BTN3A2: variants seen among roughly 807,000 people sequenced by gnomAD.
BTN3A2 encodes butyrophilin protein.
Under a neutral mutation model 37.6 loss-of-function variants are expected in BTN3A2, and 25 were observed. That is an observed-to-expected ratio of 0.66 (90% CI 0.48 to 0.93). BTN3A2 has a LOEUF of 0.93. BTN3A2 is among the 40% of genes least tolerant of loss of function. The probability of loss-of-function intolerance (pLI) is 0.00; values close to 1 mark genes in which losing one functional copy is unlikely to be tolerated. For synonymous variants in BTN3A2, 122 were observed against 159.4 expected, an observed-to-expected ratio of 0.77 and a Z score of 1.77; for missense variants, 266 against 410.9, an observed-to-expected ratio of 0.65 and a Z score of 3.05.
rs1236860219 is a variant in BTN3A2, at chr6:26,378,284, T to C, written c.*2522T>C. The C allele has an allele frequency of 6.6e-6, 1 of 152,228 alleles. No homozygotes were observed. The highest frequency in any genetic ancestry group is 1.5e-5 in the Non-Finnish European group (1 of 68,058). The allele number at this position is 152,228 out of a possible 1,614,324, so 9.4% of individuals were successfully genotyped here. On this transcript the variant is annotated 3_prime_UTR_variant, in exon 11 of 11. Transcript: ENST00000377708. ...TGGGCAAGTGCTTGTCAAGTTCTAG[T>C]TGTTCAATAAATTTGTTAATAATGC...
intron 9 of BTN3A2, 171 bp downstream of exon 9, chr6:26,374,544 C>T (rs768474081): frequency 1.5e-5 from 13 of 852,432 alleles, no homozygotes; most frequent in African/African-American, 1.0e-4. Context: ...CTGCACACCC[C>T]CTTGTAAAGC....
chr6:26,376,437 G>A lies in BTN3A2; in HGVS notation c.*675G>A. 1 of 703,576 alleles carries A rather than the reference G, an allele frequency of 1.4e-6. No individual in the cohort carries two copies. Among genetic ancestry groups the A allele is most frequent in the Non-Finnish European group, 2.1e-6 (1 of 484,666 alleles). 43.6% of individuals were successfully genotyped at this position (703,576 alleles called of 1,614,324 possible). ...GCTTTCACCAATGACATTGATGAGA[G>A]AATCACATTCAGGGCAGGCTAGGGA... is the stretch of plus-strand genomic sequence containing the variant. On this transcript the variant is annotated 3_prime_UTR_variant, in exon 11 of 11. Coordinates refer to ENST00000377708, the MANE Select transcript of BTN3A2 (RefSeq NM_007047.5).
chr6:26,370,874 T>A (rs183827833), intron 5 of BTN3A2, among the ~76,000 whole-genome samples: 83 of 152,326 alleles, frequency 5.4e-4, no homozygotes, highest in Non-Finnish European at 1.0e-3. Flanking sequence ...CCTTATATAA[T>A]GTGAAATGAC....
intron 5 of BTN3A2, 184 bp from the exon 6 acceptor site, chr6:26,372,713 G>A (rs1289040091): frequency 4.6e-6 from 3 of 647,596 alleles, no homozygotes; most frequent in East Asian, 2.8e-5. Context: ...GTAGTAGCTT[G>A]TAGTGAGGGT....
rs1977 is a variant in BTN3A2 at position 26,377,318 on chromosome 6, A to G, written c.*1556A>G. 62,467 of 696,908 alleles carry G rather than the reference A, an allele frequency of 0.09. 3,390 individuals carry two copies. Among genetic ancestry groups the G allele is most frequent in the East Asian group, 0.14 (5,062 of 35,646 alleles). The allele number at this position is 696,908 out of a possible 1,614,324, so 43.2% of individuals were successfully genotyped here. On this transcript the variant is annotated 3_prime_UTR_variant, in exon 11 of 11. Transcript: ENST00000377708. ...TGAAGCACTTTACTGATATTCATTC[A>G]ATTATTCCATAGGACAGTTGTTTGA... is the stretch of plus-strand genomic sequence containing the variant.
chr6:26,375,475 G>T (rs956864709), intron 10 of BTN3A2: 1 of 639,792 alleles, frequency 1.6e-6, no homozygotes, highest in South Asian at 2.2e-5. Flanking sequence ...AAATTAAACG[G>T]TGTGTATCTC....
rs1173529212 is a variant in BTN3A2, at chr6:26,377,616, C to T, written c.*1854C>T. The T allele has an allele frequency of 1.0e-5, 2 of 194,688 alleles. No homozygotes were observed. The highest frequency in any genetic ancestry group is 1.3e-4 in the East Asian group (1 of 7,412). 12.1% of individuals were successfully genotyped at this position (194,688 alleles called of 1,614,324 possible). A position where few individuals can be genotyped will look rare whatever the true frequency, so the allele number is the denominator to read the frequency against. On this transcript the variant is annotated 3_prime_UTR_variant, in exon 11 of 11. Coordinates refer to ENST00000377708, the MANE Select transcript of BTN3A2 (RefSeq NM_007047.5). The stretch of plus-strand genomic sequence containing the variant: ...GGGCAACATTAAGTAGCTTACATAA[C>T]TCACACGGTAATTTGTGCAGTTGGG...
intron 5 of BTN3A2, 77 bp from the exon 6 acceptor site, chr6:26,372,820 A>G: frequency 1.3e-6 from 2 of 1,560,512 alleles, no homozygotes; most frequent in Non-Finnish European, 1.8e-6. Flanking sequence ...TGAGCTGAGC[A>G]GCTAAAGCTT....
rs949243361 is a variant in BTN3A2, at chr6:26,376,084, G to A, written c.*322G>A. The A allele has an allele frequency of 1.4e-5, 5 of 360,718 alleles. No individual in the cohort carries two copies. The highest frequency in any genetic ancestry group is 2.1e-5 in the African/African-American group (1 of 46,770). 22.3% of individuals were successfully genotyped at this position (360,718 alleles called of 1,614,324 possible). A position where few individuals can be genotyped will look rare whatever the true frequency, so the allele number is the denominator to read the frequency against. On this transcript the variant is annotated 3_prime_UTR_variant, in exon 11 of 11. Coordinates refer to ENST00000377708, the MANE Select transcript of BTN3A2 (RefSeq NM_007047.5). Reference sequence around the variant, plus strand: ...AAAAATTAGCCGGGCATGGTGACGGGCACCTGTAGTCCCAGCTACTCGGGA... The same window carrying A: ...AAAAATTAGCCGGGCATGGTGACGGACACCTGTAGTCCCAGCTACTCGGGA...
intron 5 of BTN3A2, among the ~76,000 whole-genome samples, 173 bp downstream of exon 5, chr6:26,370,776 TC>T (rs1760033549): frequency 1.3e-5 from 2 of 152,204 alleles, no homozygotes; most frequent in Non-Finnish European, 2.9e-5. Flanking sequence ...ATAAAGGTGT[TC>T]GTAACACAAA....
chr6:26,375,596 G>C, intron 10 of BTN3A2: 1 of 1,491,450 alleles, frequency 6.7e-7, no homozygotes, highest in South Asian at 1.3e-5. Context: ...AGATTCCTGG[G>C]GTCCAGAAGA....
chr6:26,368,145 G>A lies in BTN3A2; in HGVS notation c.-5-33G>A, dbSNP rs904006433. ...AAGCTTCTTCCAGGCCATAGTGTCTGTCCCACACCTTCTGGTATCTCTTGA... is the reference window on the plus strand; with the variant it reads ...AAGCTTCTTCCAGGCCATAGTGTCTATCCCACACCTTCTGGTATCTCTTGA... On this transcript the variant is annotated intron_variant, in intron 2 of 10. Coordinates refer to ENST00000377708, the MANE Select transcript of BTN3A2 (RefSeq NM_007047.5). The A allele has an allele frequency of 1.9e-6, 3 of 1,610,474 alleles. No homozygotes were observed. In the South Asian group the frequency reaches 3.3e-5, roughly 18 times the overall value.
chr6:26,376,994 A>T lies in BTN3A2; in HGVS notation c.*1232A>T. The T allele has an allele frequency of 6.8e-7, 1 of 1,476,878 alleles. No homozygotes were observed. The highest frequency in any genetic ancestry group is 9.5e-7 in the Non-Finnish European group (1 of 1,057,158). The allele number at this position is 1,476,878 out of a possible 1,614,324, so 91.5% of individuals were successfully genotyped here. A position where few individuals can be genotyped will look rare whatever the true frequency, so the allele number is the denominator to read the frequency against. On this transcript the variant is annotated 3_prime_UTR_variant, in exon 11 of 11. Coordinates refer to ENST00000377708, the MANE Select transcript of BTN3A2 (RefSeq NM_007047.5). ...TCTCGTTCTACAATGCCACGGATGG[A>T]TCTCATATCTACACATTTCTGCACG... is the stretch of plus-strand genomic sequence containing the variant.
At chr6:26,369,039 A>G (rs1364318276) in intron 4 of BTN3A2, 127 bp downstream of exon 4, 6 of 664,016 alleles carry the variant, frequency 9.0e-6, no homozygotes, top group African/African-American at 5.4e-5. Flanking sequence ...CTGCCTCCCA[A>G]CTTAGCTTCT....
chr6:26,377,027 C>A lies in BTN3A2; in HGVS notation c.*1265C>A. 7.2e-7 allele frequency: 1 copy of A among 1,392,366 alleles called. No homozygotes were observed. Among genetic ancestry groups the A allele is most frequent in the Non-Finnish European group, 1.0e-6 (1 of 982,070 alleles). 86.3% of individuals were successfully genotyped at this position (1,392,366 alleles called of 1,614,324 possible). On this transcript the variant is annotated 3_prime_UTR_variant, in exon 11 of 11. Coordinates refer to ENST00000377708, the MANE Select transcript of BTN3A2 (RefSeq NM_007047.5). ...TCTACACATTTCTGCACGCCTCTTC[C>A]TCTGAGCCTCTGTATCCTGTATTCA...
In BTN3A2 at chr6:26,374,338, T is replaced by C; in HGVS notation, c.976T>C (p.Ser326Pro). Reference sequence around the variant, plus strand: ...TTCTTTCATTGTAGGTGGAGAGGAGTCTTCGTCCGATACCAATAAGTCAGC... The same window carrying C: ...TTCTTTCATTGTAGGTGGAGAGGAGCCTTCGTCCGATACCAATAAGTCAGC... The part of the protein sequence containing the change: ...KIQYLTRGEE[S>P]SSDTNKSA Residue 326 changes from serine (S) to proline (P), a missense_variant, in exon 9 of 11, where the codon TCT (serine) becomes CCT (proline). Ser to Pro is a moderately conservative substitution (Grantham distance 74). Transcript: ENST00000377708. 6.2e-7 allele frequency: 1 copy of C among 1,608,526 alleles called. No homozygotes were observed. Among genetic ancestry groups the C allele is most frequent in the Non-Finnish European group, 8.5e-7 (1 of 1,178,938 alleles).
Position 26,375,855 on chromosome 6 carries a change from A to G in BTN3A2, c.*93A>G, listed in dbSNP as rs1760668594. The G allele has an allele frequency of 1.3e-6, 2 of 1,548,662 alleles. No homozygotes were observed. The highest frequency in any genetic ancestry group is 4.9e-5 in the East Asian group (2 of 40,918). Reference sequence around the variant, plus strand: ...TTAAATAAATTGGATGTATGGAAAAATAGACTGCAGAAAAGGGGAACTCAT... The same window carrying G: ...TTAAATAAATTGGATGTATGGAAAAGTAGACTGCAGAAAAGGGGAACTCAT... On this transcript the variant is annotated 3_prime_UTR_variant, in exon 11 of 11. Transcript: ENST00000377708.
intron 6 of BTN3A2, 66 bp from the exon 7 acceptor site, chr6:26,373,210 A>T: frequency 6.2e-7 from 1 of 1,600,892 alleles, no homozygotes; most frequent in Non-Finnish European, 8.5e-7. Flanking sequence ...ATTTCCCGAA[A>T]CACCAACCTC....
intron 10 of BTN3A2, chr6:26,375,377 A>C: frequency 2.5e-6 from 1 of 401,526 alleles, no homozygotes; most frequent in Non-Finnish European, 4.6e-6. Context: ...ACCCAGAGAA[A>C]GAGGTAGCTT....
Sources: allele counts gnomAD v4.1 joint callset (sites outside exome capture counted in the v4.1 genomes callset), GRCh38; gene constraint gnomAD v4.1.1; transcripts MANE v1.5; gene names NCBI Gene and HGNC (gene_info 2026-07-23, HGNC 2026-07-21).